FAM149B1: variants seen among roughly 807,000 people sequenced by gnomAD.
FAM149B1 encodes family with sequence similarity 149 member B1.
FAM149B1 carries 56 observed loss-of-function variants against 75.3 expected under a neutral mutation model. The observed-to-expected ratio is 0.74, with a 90% CI of 0.60 to 0.93. The LOEUF is 0.93. Among genes scored for constraint, FAM149B1 ranks in the 40% least tolerant of loss-of-function variants. The pLI is 0.00. For missense variants in FAM149B1, 639 were observed against 708.4 expected (o/e 0.90, Z 1.11); for synonymous variants, 259 against 256.1 (o/e 1.01, Z -0.11).
intron 5 of FAM149B1, chr10:73,200,375 C>T (rs2042904414): frequency 5.6e-6 from 3 of 536,150 alleles, no homozygotes; most frequent in Non-Finnish European, 1.1e-5. Flanking sequence ...AAAGGTGATT[C>T]TGGCACTTGG....
chr10:73,197,917 G>A (rs553429893), intron 5 of FAM149B1, among the ~76,000 whole-genome samples: 40 of 152,238 alleles, frequency 2.6e-4, no homozygotes, highest in Admixed American at 1.0e-3. Context: ...TAGCTAAGGG[G>A]CTTATCTGTA....
intron 5 of FAM149B1, among the ~76,000 whole-genome samples, chr10:73,198,859 G>A (rs557629172): frequency 2.0e-4 from 30 of 151,984 alleles, no homozygotes; most frequent in African/African-American, 7.2e-4. Flanking sequence ...TTGAATAGAC[G>A]ATTCTACACA....
chr10:73,177,831 A>G lies in FAM149B1; in HGVS notation c.153-15A>G, dbSNP rs1355117089. On this transcript the variant is annotated splice_polypyrimidine_tract_variant and intron_variant, in intron 2 of 13. Transcript: ENST00000242505. ...ATTTTCTTTTTTCTCTCCTCCTCCC[A>G]AATTGTGCCTTTAGCAAGTCTGACA... The G allele has an allele frequency of 6.5e-7, 1 of 1,550,378 alleles. No individual in the cohort carries two copies.
chr10:73,177,346 G>T (rs1224694747), intron 2 of FAM149B1, among the ~76,000 whole-genome samples: 1 of 151,818 alleles, frequency 6.6e-6, no homozygotes, highest in Non-Finnish European at 1.5e-5. Context: ...AGGCTGAGGT[G>T]GGCAGATTGC....
intron 1 of FAM149B1, among the ~76,000 whole-genome samples, chr10:73,173,970 T>A (rs1382618752): frequency 1.3e-5 from 2 of 152,230 alleles, no homozygotes; most frequent in Non-Finnish European, 2.9e-5. Flanking sequence ...AAAAGCATGG[T>A]GCTTTTGAGA....
chr10:73,231,579 C>T (rs773934194), intron 9 of FAM149B1, among the ~76,000 whole-genome samples: 4 of 152,152 alleles, frequency 2.6e-5, no homozygotes, highest in Non-Finnish European at 5.9e-5. Context: ...CACGCATGAG[C>T]TACTAAGGGT....
At chr10:73,240,491 T>A (rs1366691434) in intron 13 of FAM149B1, among the ~76,000 whole-genome samples, 1 of 152,122 alleles carries the variant, frequency 6.6e-6, no homozygotes, top group Non-Finnish European at 1.5e-5. Context: ...GGCGGGCGGA[T>A]CACGAGGTCA....
At chr10:73,240,128 C>G (rs541128126) in intron 13 of FAM149B1, among the ~76,000 whole-genome samples, 2 of 152,282 alleles carry the variant, frequency 1.3e-5, no homozygotes, top group South Asian at 4.1e-4. Context: ...CTATGTTGCC[C>G]AGGCTGCAGG....
chr10:73,229,129 C>G (rs1342823642), intron 8 of FAM149B1, among the ~76,000 whole-genome samples: 2 of 152,078 alleles, frequency 1.3e-5, no homozygotes, highest in Non-Finnish European at 2.9e-5. Flanking sequence ...TCAAGTGAGT[C>G]TGAACAAGCA....
intron 2 of FAM149B1, among the ~76,000 whole-genome samples, chr10:73,177,529 G>A (rs1403772504): frequency 2.0e-5 from 3 of 151,772 alleles, no homozygotes; most frequent in Non-Finnish European, 2.9e-5. Flanking sequence ...AGTCAATATC[G>A]TGCCACTGCA....
In FAM149B1 at chr10:73,243,712, C is replaced by T. The variant is rs2043978029; in HGVS notation, c.*2693C>T. 9.1e-6 allele frequency: 10 copies of T among 1,097,642 alleles called. No homozygotes were observed. The East Asian group carries it at 2.0e-4, about 22-fold the overall frequency. 68.0% of individuals were successfully genotyped at this position (1,097,642 alleles called of 1,614,324 possible). On this transcript the variant is annotated 3_prime_UTR_variant, in exon 14 of 14. Transcript: ENST00000242505. ...ATACACTTAAAACCACCAAATTGTA[C>T]ACTTTAAAAGGACAAATAGAAGGTA...
chr10:73,210,209 C>T (rs1275649960), intron 6 of FAM149B1, 42 bp from the exon 7 acceptor site: 7 of 1,378,010 alleles, frequency 5.1e-6, no homozygotes, highest in Non-Finnish European at 6.9e-6. Context: ...GGCAGCCTTC[C>T]CTTCAGCATC....
chr10:73,217,623 C>A (rs1188895333), intron 7 of FAM149B1, among the ~76,000 whole-genome samples: 1 of 152,184 alleles, frequency 6.6e-6, no homozygotes, highest in African/African-American at 2.4e-5. Context: ...CAGCTTTATT[C>A]TTCAAAGCCA....
intron 3 of FAM149B1, among the ~76,000 whole-genome samples, chr10:73,191,481 C>T (rs951388267): frequency 6.6e-6 from 1 of 152,090 alleles, no homozygotes; most frequent in Non-Finnish European, 1.5e-5. Context: ...GGATTACAGG[C>T]ACCCGCCATC....
At position 73,233,008 on chromosome 10, in the gene FAM149B1, T is replaced by C. The variant is rs1564715284; in HGVS notation, c.1197T>C (p.Asn399=). ...STILSTRNWP[N]RAVEFSTSSL... ...TCCTTTCAACTCGAAATTGGCCAAA[T>C]CGAGCTGTGGAGTTTAGTACATCAT... The change falls in exon 10 of 14, where the codon AAT becomes AAC. Residue 399 remains asparagine, a synonymous_variant. Coordinates refer to ENST00000242505, the MANE Select transcript of FAM149B1 (RefSeq NM_173348.2). The C allele has an allele frequency of 6.4e-7, 1 of 1,551,998 alleles. No homozygotes were observed. The highest frequency in any genetic ancestry group is 8.7e-7 in the Non-Finnish European group (1 of 1,147,024).
chr10:73,217,511 C>T (rs2043323685), intron 7 of FAM149B1, among the ~76,000 whole-genome samples: 1 of 152,136 alleles, frequency 6.6e-6, no homozygotes, highest in African/African-American at 2.4e-5. Flanking sequence ...AGGTGTTGGC[C>T]AGGGCTGGGC....
chr10:73,213,375 G>A (rs1241929840), intron 7 of FAM149B1, among the ~76,000 whole-genome samples: 1 of 152,056 alleles, frequency 6.6e-6, no homozygotes, highest in East Asian at 1.9e-4. Flanking sequence ...TTTTGCTTTT[G>A]AAGACTTGGT....
intron 8 of FAM149B1, among the ~76,000 whole-genome samples, chr10:73,229,597 G>A (rs1425505818): frequency 6.6e-6 from 1 of 152,066 alleles, no homozygotes; most frequent in Non-Finnish European, 1.5e-5. Flanking sequence ...AGAAAATTAT[G>A]AAGGCTCGTA....
intron 2 of FAM149B1, 111 bp from the exon 3 acceptor site, chr10:73,177,735 T>C: frequency 3.2e-6 from 3 of 942,994 alleles, no homozygotes; most frequent in Non-Finnish European, 4.8e-6. Flanking sequence ...GTGGATATAT[T>C]TGTACACATG....
Sources: gnomAD v4.1 joint callset for allele counts (sites outside exome capture counted in the v4.1 genomes callset) on GRCh38, gnomAD v4.1.1 for gene constraint, MANE v1.5 for transcripts, NCBI Gene and HGNC (gene_info 2026-07-23, HGNC 2026-07-21) for gene names.